The following CRISPLD1 variants were observed in gnomAD, a reference collection of about 807,000 sequenced individuals.
CRISPLD1 encodes cysteine-rich secretory protein LCCL domain-containing 1.
Under a neutral mutation model 77.5 loss-of-function variants are expected in CRISPLD1, and 60 were observed. The ratio of observed to expected loss-of-function variants is 0.77; its 90% CI spans 0.63 to 0.96. The LOEUF is 0.96. Among genes scored for constraint, CRISPLD1 ranks in the 40% least tolerant of loss-of-function variants. The pLI is 0.00. For synonymous variants in CRISPLD1, 195 were observed against 200.1 expected, an observed-to-expected ratio of 0.97 and a Z score of 0.22; for missense variants, 623 against 615.8, an observed-to-expected ratio of 1.01 and a Z score of -0.12.
intron 12 of CRISPLD1, among the ~76,000 whole-genome samples, chr8:75,022,382 C>G (rs922524854): frequency 6.6e-6 from 1 of 151,648 alleles, no homozygotes; most frequent in Admixed American, 6.6e-5. Context: ...GTCAGGAGAT[C>G]GAGACCATCC....
chr8:75,020,745 C>A (rs1813119930), intron 12 of CRISPLD1, among the ~76,000 whole-genome samples: 1 of 152,196 alleles, frequency 6.6e-6, no homozygotes, highest in South Asian at 2.1e-4. Flanking sequence ...TGGCATAACT[C>A]ATATTTTAAC....
intron 2 of CRISPLD1, among the ~76,000 whole-genome samples, chr8:75,006,971 ATCT>A (rs1367664984): frequency 2.0e-5 from 3 of 152,310 alleles, no homozygotes; most frequent in Admixed American, 6.5e-5. Context: ...TTAACATTAG[ATCT>A]TCTTTGTGAA....
Position 75,016,693 on chromosome 8 carries a change from G to C in CRISPLD1, c.856G>C (p.Ala286Pro). 6.2e-7 allele frequency: 1 copy of C among 1,611,972 alleles called. No homozygotes were observed. ...TAGTAGCAGAAATGAAGTCATAAGCGCACAGCAAATGTGTAAGACCTCCAT... is the reference window on the plus strand; with the variant it reads ...TAGTAGCAGAAATGAAGTCATAAGCCCACAGCAAATGTGTAAGACCTCCAT... ...DDSSRNEVIS[A>P]QQMSQIVSCE... The change falls in exon 7 of 15, where the codon GCA becomes CCA. Residue 286 changes from alanine (A) to proline (P), a missense_variant. By Grantham distance (27) the Ala-to-Pro change is conservative. Coordinates refer to ENST00000262207, the MANE Select transcript of CRISPLD1 (RefSeq NM_031461.6).
At position 75,025,546 on chromosome 8, in the gene CRISPLD1, A is replaced by G. The variant is rs1813217791; in HGVS notation, c.1245A>G (p.Arg415=). 6.1e-6 allele frequency: 9 copies of G among 1,470,046 alleles called. No individual in the cohort carries two copies. Among genetic ancestry groups the G allele is most frequent in the Non-Finnish European group, 8.4e-6 (9 of 1,068,328 alleles). 91.1% of individuals were successfully genotyped at this position (1,470,046 alleles called of 1,614,324 possible). A position where few individuals can be genotyped will look rare whatever the true frequency, so the allele number is the denominator to read the frequency against. The change falls in exon 13 of 15, where the codon AGA becomes AGG. Residue 415 remains arginine (R), a splice_region_variant and synonymous_variant. Coordinates refer to ENST00000262207, the MANE Select transcript of CRISPLD1 (RefSeq NM_031461.6). ...PFHKPASHCP[R]VYCPRNCMQA... The stretch of plus-strand genomic sequence containing the variant: ...ATATATAATATATTATTTTTTTCAG[A>G]GTATACTGTCCTCGTAACTGTATGC...
chr8:74,998,685 C>CAAAAAAAAAAAAAA (rs368258595), intron 2 of CRISPLD1, among the ~76,000 whole-genome samples: 1 of 50,982 alleles, frequency 2.0e-5, no homozygotes, highest in African/African-American at 7.2e-5. Context: ...GACTCCATCT[C>CAAAAAAAAAAAAAA]AAAAAAAAAA....
intron 2 of CRISPLD1, among the ~76,000 whole-genome samples, chr8:74,987,299 G>A (rs1812511754): frequency 6.6e-6 from 1 of 152,184 alleles, no homozygotes. Flanking sequence ...CAGGGATTAA[G>A]AATTGAGACT....
At chr8:75,014,468 G>A (rs1234123016) in intron 5 of CRISPLD1, among the ~76,000 whole-genome samples, 2 of 152,180 alleles carry the variant, frequency 1.3e-5, no homozygotes, top group East Asian at 1.9e-4. Flanking sequence ...TGTTAACAAT[G>A]TGACACAATC....
In CRISPLD1 at chr8:75,034,474, C is replaced by G. The variant is rs945820453; in HGVS notation, c.*2232C>G. On this transcript the variant is annotated 3_prime_UTR_variant, in exon 15 of 15. Coordinates refer to ENST00000262207, the MANE Select transcript of CRISPLD1 (RefSeq NM_031461.6). ...GTCATATACTATTGATCCTTTGGCACTTAAATAAATGTGAAATCCTCCAGG... is the reference window on the plus strand; with the variant it reads ...GTCATATACTATTGATCCTTTGGCAGTTAAATAAATGTGAAATCCTCCAGG... 6.6e-6 allele frequency: 1 copy of G among 152,068 alleles called. No individual in the cohort carries two copies. The highest frequency in any genetic ancestry group is 2.4e-5 in the African/African-American group (1 of 41,442). The allele number at this position is 152,068 out of a possible 1,614,324, so 9.4% of individuals were successfully genotyped here.
At chr8:74,994,544 A>T (rs147794561) in intron 2 of CRISPLD1, among the ~76,000 whole-genome samples, 1 of 152,252 alleles carries the variant, frequency 6.6e-6, no homozygotes, top group African/African-American at 2.4e-5. Flanking sequence ...TTTTACCCAC[A>T]CAATTTCAAG....
chr8:75,009,027 T>C (rs2128784256), intron 2 of CRISPLD1, among the ~76,000 whole-genome samples: 1 of 152,272 alleles, frequency 6.6e-6, no homozygotes, highest in Admixed American at 6.5e-5. Flanking sequence ...TTCAATTTCA[T>C]AGGGAAAACT....
chr8:74,985,884 C>G, intron 1 of CRISPLD1, 42 bp from the exon 2 acceptor site: 1 of 1,296,418 alleles, frequency 7.7e-7, no homozygotes, highest in Non-Finnish European at 1.1e-6. Flanking sequence ...AAATTCATAT[C>G]TGCTGGAATT....
chr8:75,024,461 A>G (rs995965895), intron 12 of CRISPLD1, among the ~76,000 whole-genome samples: 1 of 152,038 alleles, frequency 6.6e-6, no homozygotes, highest in African/African-American at 2.4e-5. Context: ...AAGTAGTGGG[A>G]TTACAGGCAC....
At chr8:75,008,665 A>G (rs1441387968) in intron 2 of CRISPLD1, among the ~76,000 whole-genome samples, 2 of 152,142 alleles carry the variant, frequency 1.3e-5, no homozygotes, top group African/African-American at 4.8e-5. Flanking sequence ...CAGCACTTAT[A>G]TTAAAATACT....
At chr8:75,031,524 T>C (rs1265649757) in intron 14 of CRISPLD1, among the ~76,000 whole-genome samples, 2 of 151,860 alleles carry the variant, frequency 1.3e-5, no homozygotes, top group Non-Finnish European at 2.9e-5. Context: ...TGCATTACTT[T>C]TAACTTCTAT....
In CRISPLD1 at chr8:75,032,856, A is replaced by G; in HGVS notation, c.*614A>G. ...CTGTTAAAATGTTTGATTCCTTGGG[A>G]ATGGCCTTAAAAATAAATGTAATAA... is the stretch of plus-strand genomic sequence containing the variant. On this transcript the variant is annotated 3_prime_UTR_variant, in exon 15 of 15. Coordinates refer to ENST00000262207, the MANE Select transcript of CRISPLD1 (RefSeq NM_031461.6). The G allele has an allele frequency of 6.6e-6, 1 of 151,880 alleles. No individual in the cohort carries two copies. The highest frequency in any genetic ancestry group is 2.1e-4 in the South Asian group (1 of 4,828). The allele number at this position is 151,880 out of a possible 1,614,324, so 9.4% of individuals were successfully genotyped here.
intron 2 of CRISPLD1, among the ~76,000 whole-genome samples, chr8:75,008,581 AATAG>A (rs779761572): frequency 2.0e-5 from 3 of 152,274 alleles, no homozygotes; most frequent in East Asian, 3.9e-4. Flanking sequence ...CGATTCTGTG[AATAG>A]ATAATTACTT....
chr8:75,018,845 GC>G (rs1490578944), intron 10 of CRISPLD1, among the ~76,000 whole-genome samples: 10 of 152,164 alleles, frequency 6.6e-5, no homozygotes, highest in Non-Finnish European at 1.2e-4. Flanking sequence ...ACCAGCCTCA[GC>G]CTCCCATAGT....
At chr8:75,010,992 C>T (rs1812919327) in intron 2 of CRISPLD1, among the ~76,000 whole-genome samples, 1 of 151,798 alleles carries the variant, frequency 6.6e-6, no homozygotes, top group South Asian at 2.1e-4. Flanking sequence ...GTATTACAAC[C>T]ATCTATTTCT....
intron 14 of CRISPLD1, among the ~76,000 whole-genome samples, chr8:75,029,763 C>T (rs886173921): frequency 2.6e-5 from 4 of 152,134 alleles, no homozygotes; most frequent in African/African-American, 9.7e-5. Context: ...CAAGTCAGAA[C>T]TACTCTTTTG....
Sources: gnomAD v4.1 joint callset for allele counts (sites outside exome capture counted in the v4.1 genomes callset) on GRCh38, gnomAD v4.1.1 for gene constraint, MANE v1.5 for transcripts, NCBI Gene and HGNC (gene_info 2026-07-23, HGNC 2026-07-21) for gene names.